KAT2B: variants seen among roughly 807,000 people sequenced by gnomAD.
KAT2B encodes the protein histone acetyltransferase KAT2B.
Under a neutral mutation model 105.9 loss-of-function variants are expected in KAT2B, and 36 were observed. The ratio of observed to expected loss-of-function variants is 0.34; its 90% CI spans 0.26 to 0.45. The LOEUF (loss-of-function observed/expected upper bound fraction) is 0.45, where lower values mean the gene tolerates loss of function less well. Ranked by LOEUF, KAT2B falls within the 20% of genes least tolerant of loss-of-function variation. The pLI is 1.00. For synonymous variants in KAT2B, 397 were observed against 377.9 expected, an observed-to-expected ratio of 1.05 and a Z score of -0.59; for missense variants, 820 against 1,021.6, an observed-to-expected ratio of 0.80 and a Z score of 2.69.
intron 1 of KAT2B, among the ~76,000 whole-genome samples, chr3:20,054,669 G>C (rs1697975300): frequency 6.6e-6 from 1 of 152,220 alleles, no homozygotes; most frequent in African/African-American, 2.4e-5. Context: ...ACAAGGATGA[G>C]ACCTGAGTAA....
At chr3:20,088,692 TTG>T (rs1698663175) in intron 2 of KAT2B, among the ~76,000 whole-genome samples, 1 of 152,214 alleles carries the variant, frequency 6.6e-6, no homozygotes, top group African/African-American at 2.4e-5. Flanking sequence ...ATTCCATAGG[TTG>T]TCTCTTTACT....
intron 3 of KAT2B, among the ~76,000 whole-genome samples, chr3:20,098,976 C>T (rs1326312673): frequency 5.3e-5 from 8 of 151,842 alleles, no homozygotes; most frequent in Admixed American, 1.3e-4. Flanking sequence ...AGGCAGTAAG[C>T]GAGAAAGGAG....
intron 2 of KAT2B, 97 bp downstream of exon 2, chr3:20,072,556 G>T (rs3828348): frequency 4.9e-5 from 57 of 1,162,166 alleles, no homozygotes; most frequent in Admixed American, 4.2e-4. Flanking sequence ...TTTGAATGCT[G>T]TGTACCTCTG....
In KAT2B at chr3:20,101,544, G is replaced by T; in HGVS notation, c.851+76G>T. 4.4e-6 allele frequency: 5 copies of T among 1,132,760 alleles called. No individual in the cohort carries two copies. The South Asian group carries it at 6.9e-5, about 16-fold the overall frequency. The allele number at this position is 1,132,760 out of a possible 1,614,324, so 70.2% of individuals were successfully genotyped here. On this transcript the variant is annotated intron_variant, in intron 5 of 17. Transcript: ENST00000263754. ...CCTAAAATTGTACTTGACTCTATAA[G>T]TATAGGGCTGCCTAGTTATCATTAT... is the stretch of plus-strand genomic sequence containing the variant.
chr3:20,062,756 C>G (rs185212919), intron 1 of KAT2B, among the ~76,000 whole-genome samples: 14 of 152,052 alleles, frequency 9.2e-5, no homozygotes, highest in Admixed American at 9.2e-4. Flanking sequence ...GTCACCGTGC[C>G]TGGCCCATTT....
chr3:20,150,014 C>T (rs977162), intron 17 of KAT2B, among the ~76,000 whole-genome samples: 27,912 of 152,130 alleles, frequency 0.18, 2,720 homozygotes, highest in Admixed American at 0.23. Context: ...CAGATCTCGT[C>T]GATCATAGCC....
chr3:20,082,386 C>T (rs888803675), intron 2 of KAT2B, among the ~76,000 whole-genome samples: 1 of 152,106 alleles, frequency 6.6e-6, no homozygotes, highest in Non-Finnish European at 1.5e-5. Flanking sequence ...GTAAATTTAA[C>T]ATTAATATAA....
At chr3:20,061,686 A>G (rs1698102739) in intron 1 of KAT2B, among the ~76,000 whole-genome samples, 1 of 150,046 alleles carries the variant, frequency 6.7e-6, no homozygotes, top group African/African-American at 2.4e-5. Context: ...GTGAGGTGGT[A>G]TTTCATTGTA....
At chr3:20,122,555 A>AAGAT in intron 8 of KAT2B, 113 bp from the exon 9 acceptor site, 1 of 729,350 alleles carries the variant, frequency 1.4e-6, no homozygotes, top group Non-Finnish European at 2.2e-6. Context: ...CCTGGTGGTA[A>AAGAT]AGATAGAGTT....
At chr3:20,067,840 A>C (rs1268194568) in intron 1 of KAT2B, among the ~76,000 whole-genome samples, 1 of 150,772 alleles carries the variant, frequency 6.6e-6, no homozygotes, top group Non-Finnish European at 1.5e-5. Context: ...ACACCTGGCT[A>C]ATTTTTGTAT....
chr3:20,054,900 T>A (rs991789071), intron 1 of KAT2B, among the ~76,000 whole-genome samples: 7 of 152,182 alleles, frequency 4.6e-5, no homozygotes, highest in African/African-American at 1.7e-4. Context: ...TGTGGCCACT[T>A]CTCTGCTACA....
At chr3:20,148,859 G>A (rs1264564568) in intron 17 of KAT2B, 3 of 173,692 alleles carry the variant, frequency 1.7e-5, no homozygotes, top group East Asian at 1.6e-4. Flanking sequence ...TGCGTCTGTC[G>A]TAAATAGGTA....
Position 20,122,749 on chromosome 3 carries a change from TAATC to T in KAT2B, c.1361_1364del (p.Ile454ThrfsTer39). 2 of 1,614,076 alleles carry T rather than the reference TAATC, an allele frequency of 1.2e-6. No individual in the cohort carries two copies. The highest frequency in any genetic ancestry group is 1.7e-6 in the Non-Finnish European group (2 of 1,179,940). On this transcript the variant is annotated frameshift_variant, in exon 9 of 18. Transcript: ENST00000263754. LOFTEE classifies it high-confidence loss of function. ...GTTATGGGGGATATTCCGATGGAAT[TAATC>T]AACGAGGTTATGTCTACCATCACGG...
chr3:20,095,461 G>C, intron 3 of KAT2B, 53 bp downstream of exon 3: 1 of 1,283,778 alleles, frequency 7.8e-7, no homozygotes, highest in Non-Finnish European at 1.1e-6. Context: ...AATGTACCCA[G>C]TCTCCATATG....
At chr3:20,106,979 GTATATATA>G (rs869172127) in intron 5 of KAT2B, among the ~76,000 whole-genome samples, 4,484 of 33,262 alleles carry the variant, frequency 0.13, 310 homozygotes, top group Admixed American at 0.19. Flanking sequence ...ATATATATAT[GTATATATA>G]TATATATATA....
chr3:20,137,145 T>C, intron 12 of KAT2B, 93 bp downstream of exon 12: 1 of 679,304 alleles, frequency 1.5e-6, no homozygotes, highest in Admixed American at 2.3e-5. Flanking sequence ...CCCCCAGTGT[T>C]TTCTACTTAT....
At chr3:20,122,632 C>T in intron 8 of KAT2B, 36 bp from the exon 9 acceptor site, 3 of 1,555,238 alleles carry the variant, frequency 1.9e-6, no homozygotes, top group Non-Finnish European at 2.7e-6. Context: ...GTGTTTAGAA[C>T]CACCCATTGT....
In KAT2B at chr3:20,105,571, G is replaced by T. The variant is rs527454810; in HGVS notation, c.851+4103G>T. On this transcript the variant is annotated intron_variant, in intron 5 of 17. Transcript: ENST00000263754. ...GCGAGAGGATCGCTTGAGCCCAGGA[G>T]TTTGAGCCCAGCCTGGGCAACAGAA... Among the ~76,000 whole-genome samples the T allele has an allele frequency of 2.0e-5, 3 of 152,204 alleles. No individual in the cohort carries two copies. The East Asian group carries it at 5.8e-4, about 29-fold the overall frequency.
intron 1 of KAT2B, among the ~76,000 whole-genome samples, chr3:20,070,646 A>G (rs944200778): frequency 1.3e-5 from 2 of 151,734 alleles, no homozygotes; most frequent in African/African-American, 2.4e-5. Flanking sequence ...CACTTCAGAA[A>G]TGATCTCTGT....
Sources: allele counts gnomAD v4.1 joint callset (sites outside exome capture counted in the v4.1 genomes callset), GRCh38; gene constraint gnomAD v4.1.1; transcripts MANE v1.5; gene names NCBI Gene and HGNC (gene_info 2026-07-23, HGNC 2026-07-21).